The following DCAF10 variants were observed in gnomAD, a reference collection of about 807,000 sequenced individuals.
The protein encoded by DCAF10 is DDB1 and CUL4 associated factor 10.
Under a neutral mutation model 51.9 loss-of-function variants are expected in DCAF10, and 19 were observed. The ratio of observed to expected loss-of-function variants is 0.37; its 90% CI spans 0.26 to 0.54. The LOEUF is 0.54. Among genes scored for constraint, DCAF10 ranks in the 20% least tolerant of loss-of-function variants. DCAF10 has a pLI of 0.87. For missense variants in DCAF10, 510 were observed against 730.6 expected (o/e 0.70, Z 3.48); for synonymous variants, 291 against 297.1 (o/e 0.98, Z 0.21).
intron 1 of DCAF10, among the ~76,000 whole-genome samples, chr9:37,804,170 G>T (rs1829040890): frequency 6.6e-6 from 1 of 151,602 alleles, no homozygotes; most frequent in African/African-American, 2.4e-5. Context: ...CACAGAGATT[G>T]AAAATATGAA....
chr9:37,816,631 T>C (rs1829541645), intron 1 of DCAF10, among the ~76,000 whole-genome samples: 1 of 145,330 alleles, frequency 6.9e-6, no homozygotes, highest in African/African-American at 2.5e-5. Context: ...ATAGATTTAA[T>C]ATAATCTCAA....
chr9:37,860,089 G>T lies in DCAF10; in HGVS notation c.1207G>T (p.Val403Phe), dbSNP rs746908501. ...RNSLEVVTPE[V>F]LGESDHGNCI... is the part of the protein sequence containing the mutation. ...TAGTCTTGAAGTCGTAACCCCTGAA[G>T]TTCTTGGTGAGAGTGACCACGGAAA... Residue 403 changes from valine (V) to phenylalanine (F), a missense_variant, in exon 6 of 7, where the codon GTT (valine) becomes TTT (phenylalanine). By Grantham distance (50) the Val-to-Phe change is conservative (BLOSUM62 -1). Coordinates refer to ENST00000377724, the MANE Select transcript of DCAF10 (RefSeq NM_024345.5). 1.9e-4 allele frequency: 300 copies of T among 1,614,018 alleles called. No homozygotes were observed. Among genetic ancestry groups the T allele is most frequent in the Non-Finnish European group, 2.5e-4 (292 of 1,180,008 alleles).
At chr9:37,812,938 G>C (rs1196841461) in intron 1 of DCAF10, among the ~76,000 whole-genome samples, 1 of 152,096 alleles carries the variant, frequency 6.6e-6, no homozygotes, top group Non-Finnish European at 1.5e-5. Context: ...ATGGGATAAA[G>C]GAAGTTGAAG....
intron 1 of DCAF10, among the ~76,000 whole-genome samples, chr9:37,816,659 G>GGGGGTGTGTGTGTGTGTGTGTGT (rs372664140): frequency 1.7e-4 from 24 of 144,890 alleles, no homozygotes; most frequent in African/African-American, 3.3e-4. Flanking sequence ...CTGCACCTGG[G>GGGGGTGTGTGTGTGTGTGTGTGT]GTGTGTGTGT....
chr9:37,822,825 G>A (rs1829746802), intron 2 of DCAF10, among the ~76,000 whole-genome samples: 1 of 152,078 alleles, frequency 6.6e-6, no homozygotes, highest in African/African-American at 2.4e-5. Context: ...AAGTCAAGCT[G>A]GGCTTGGTGT....
intron 2 of DCAF10, among the ~76,000 whole-genome samples, chr9:37,827,541 T>C (rs1375623761): frequency 6.6e-6 from 1 of 152,148 alleles, no homozygotes; most frequent in East Asian, 1.9e-4. Flanking sequence ...AATATATATA[T>C]ATATTTCTAA....
At chr9:37,856,704 A>G (rs773774754) in intron 4 of DCAF10, among the ~76,000 whole-genome samples, 4 of 152,076 alleles carry the variant, frequency 2.6e-5, no homozygotes, top group Non-Finnish European at 4.4e-5. Context: ...CCAGCTACTC[A>G]GGAGGCTGAG....
chr9:37,836,045 T>C, intron 2 of DCAF10: 3 of 1,098,644 alleles, frequency 2.7e-6, no homozygotes, highest in South Asian at 2.5e-5. Context: ...GCCGCCACGG[T>C]AAGGCTGTAT....
chr9:37,827,315 A>T (rs1005888791), intron 2 of DCAF10, among the ~76,000 whole-genome samples: 5 of 152,158 alleles, frequency 3.3e-5, no homozygotes, highest in African/African-American at 1.2e-4. Flanking sequence ...CTACAATAGG[A>T]TAAAAGTATG....
intron 3 of DCAF10, among the ~76,000 whole-genome samples, chr9:37,848,798 T>C (rs7847915): frequency 0.19 from 29,056 of 151,264 alleles, 3,191 homozygotes; most frequent in African/African-American, 0.29. Context: ...CATGGTGAAA[T>C]CCCGTCTCTA....
intron 2 of DCAF10, among the ~76,000 whole-genome samples, chr9:37,832,582 T>C (rs550359895): frequency 6.6e-6 from 1 of 152,354 alleles, no homozygotes; most frequent in African/African-American, 2.4e-5. Context: ...TGTAGTGCTG[T>C]GTCAGTGGGA....
At position 37,842,224 on chromosome 9, in the gene DCAF10, T is replaced by C; in HGVS notation, c.789T>C (p.Thr263=). 1 of 1,613,956 alleles carries C rather than the reference T, an allele frequency of 6.2e-7. No homozygotes were observed. The highest frequency in any genetic ancestry group is 8.5e-7 in the Non-Finnish European group (1 of 1,179,922). ...TSWVKNIEYD[T]NTRLLVTSGF... ...GGGTGAAGAACATCGAATATGATAC[T>C]AATACAAGACTCTTAGTAACATCAG... The change falls in exon 3 of 7, where the codon ACT becomes ACC. Residue 263 remains threonine (T), a synonymous_variant. Coordinates refer to ENST00000377724, the MANE Select transcript of DCAF10 (RefSeq NM_024345.5).
intron 2 of DCAF10, among the ~76,000 whole-genome samples, chr9:37,837,184 G>A (rs1397540060): frequency 6.6e-6 from 1 of 152,162 alleles, no homozygotes; most frequent in African/African-American, 2.4e-5. Flanking sequence ...AAGCAGGCCG[G>A]GCACGGTGGC....
In DCAF10 at chr9:37,801,449, C is replaced by T. The variant is rs749174659; in HGVS notation, c.539+44C>T. ...AGGGCGGGCGCCCGCCTCCGCCCGG[C>T]TCTGCTGCCAGCGGACGGCCGTCCT... On this transcript the variant is annotated intron_variant, in intron 1 of 6. Transcript: ENST00000377724. The surrounding 1 kb of genome is among the most constrained non-coding windows in gnomAD (Gnocchi z 5.5). The T allele has an allele frequency of 3.6e-6, 5 of 1,383,056 alleles. No homozygotes were observed. The highest frequency in any genetic ancestry group is 4.7e-6 in the Non-Finnish European group (5 of 1,067,242). The allele number at this position is 1,383,056 out of a possible 1,614,324, so 85.7% of individuals were successfully genotyped here. A position where few individuals can be genotyped will look rare whatever the true frequency, so the allele number is the denominator to read the frequency against.
chr9:37,813,407 T>C (rs1829414499), intron 1 of DCAF10, among the ~76,000 whole-genome samples: 1 of 152,262 alleles, frequency 6.6e-6, no homozygotes, highest in African/African-American at 2.4e-5. Flanking sequence ...AAAAAATGTT[T>C]AAAGCAACTG....
At position 37,817,226 on chromosome 9, in the gene DCAF10, C is replaced by T. The variant is rs573038268; in HGVS notation, c.540-2062C>T. Among the ~76,000 whole-genome samples, 13 of 152,244 alleles carry T rather than the reference C, an allele frequency of 8.5e-5. No homozygotes were observed. In the South Asian group the frequency reaches 2.5e-3, roughly 29 times the overall value. On this transcript the variant is annotated intron_variant, in intron 1 of 6. Transcript: ENST00000377724. ...TAAAAGATACATATCATACCATGTA[C>T]AAAAATATACTATAATTTGATTCAA...
At position 37,800,820 on chromosome 9, in the gene DCAF10, T is replaced by G; in HGVS notation, c.-47T>G. 2 of 1,492,370 alleles carry G rather than the reference T, an allele frequency of 1.3e-6. No homozygotes were observed. The highest frequency in any genetic ancestry group is 1.8e-6 in the Non-Finnish European group (2 of 1,126,944). The allele number at this position is 1,492,370 out of a possible 1,614,324, so 92.4% of individuals were successfully genotyped here. ...GCAGCTGAACAGGGGCACTGAGGTG[T>G]CGGCCGGCGGGGCAGTGGCCCGGAG... On this transcript the variant is annotated 5_prime_UTR_variant, in exon 1 of 7. Coordinates refer to ENST00000377724, the MANE Select transcript of DCAF10 (RefSeq NM_024345.5).
chr9:37,813,964 C>G (rs1420023737), intron 1 of DCAF10, among the ~76,000 whole-genome samples: 7 of 150,690 alleles, frequency 4.6e-5, no homozygotes, highest in Admixed American at 4.6e-4. Context: ...TGTCAATAAG[C>G]TAAGTAAGCA....
Position 37,819,199 on chromosome 9 carries a change from C to T in DCAF10, c.540-89C>T, listed in dbSNP as rs1421074513. The T allele has an allele frequency of 4.9e-6, 5 of 1,010,768 alleles. No homozygotes were observed. In the South Asian group the frequency reaches 6.2e-5, roughly 13 times the overall value. The allele number at this position is 1,010,768 out of a possible 1,614,324, so 62.6% of individuals were successfully genotyped here. ...TGGGCAAAAAAAAAAAGTTATTTAC[C>T]TATAGCTTGTGTAATTATAAATAAG... On this transcript the variant is annotated intron_variant, in intron 1 of 6. Transcript: ENST00000377724.
Sources: gnomAD v4.1 joint callset for allele counts (sites outside exome capture counted in the v4.1 genomes callset) on GRCh38, gnomAD v4.1.1 for gene constraint, Gnocchi (gnomAD v3.1) non-coding constraint, MANE v1.5 for transcripts, NCBI Gene and HGNC (gene_info 2026-07-23, HGNC 2026-07-21) for gene names.